The following CELSR3 variants were observed in gnomAD, a reference collection of about 807,000 sequenced individuals.
The protein encoded by CELSR3 is cadherin EGF LAG seven-pass G-type receptor 3.
In CELSR3, 73 loss-of-function variants were observed where a neutral mutation model predicts 270.0. The ratio of observed to expected loss-of-function variants is 0.27; its 90% confidence interval spans 0.22 to 0.33. The LOEUF (loss-of-function observed/expected upper bound fraction) is 0.33, where lower values mean the gene tolerates loss of function less well. CELSR3 is among the 10% of genes least tolerant of loss of function. The pLI, the probability that CELSR3 is intolerant of heterozygous loss-of-function variation, is 1.00. For missense variants in CELSR3, 3,614 were observed against 4,533.8 expected (o/e 0.80, Z 5.83); for synonymous variants, 1,780 against 1,905.4 (o/e 0.93, Z 1.71).
At position 48,642,312 on chromosome 3, in the gene CELSR3, A is replaced by C; in HGVS notation, c.8665+46T>G. On this transcript the variant is annotated intron_variant, in intron 31 of 34. Transcript: ENST00000164024. This position sits in a 1 kb window ranked among gnomAD's most constrained non-coding sequence, Gnocchi z 6.1. ...TGGGGTAGAAGAAAAGGGGATGGGG[A>C]GAGATCCTCTGCCTCCCTCCTCCCT... 7 of 1,573,166 alleles carry C rather than the reference A, an allele frequency of 4.4e-6. No individual in the cohort carries two copies. The highest frequency in any genetic ancestry group is 1.1e-5 in the South Asian group (1 of 87,298).
rs368987013 is a variant in CELSR3 at position 48,651,980 on chromosome 3, C to T, written c.5820G>A (p.Ala1940=). 1.9e-5 allele frequency: 30 copies of T among 1,596,598 alleles called. No homozygotes were observed. The highest frequency in any genetic ancestry group is 3.6e-5 in the Admixed American group (2 of 56,152). ...ALLPPSHRVN[A]EPGCVVTNAC... is the part of the protein sequence containing the mutation. ...CGTTGGTCACAACACAGCCAGGCTCCGCATTCACTCGGTGGCTGGGGGGTA... is the reference window on the plus strand; with the variant it reads ...CGTTGGTCACAACACAGCCAGGCTCTGCATTCACTCGGTGGCTGGGGGGTA... The change falls in exon 12 of 35, where the codon GCG becomes GCA. Residue 1940 remains alanine (A), a synonymous_variant. Transcript: ENST00000164024. This position sits in a 1 kb window ranked among gnomAD's most constrained non-coding sequence, Gnocchi z 7.4.
Position 48,652,012 on chromosome 3 carries a change from C to T in CELSR3, c.5788G>A (p.Ala1930Thr), listed in dbSNP as rs1167083358. 3 of 1,580,994 alleles carry T rather than the reference C, an allele frequency of 1.9e-6. No individual in the cohort carries two copies. The highest frequency in any genetic ancestry group is 1.8e-5 in the Admixed American group (1 of 54,082). The change falls in exon 12 of 35, where the codon GCC becomes ACC. Residue 1930 changes from alanine (A) to threonine (T), a missense_variant. Physicochemically the swap from Ala to Thr is moderately conservative, Grantham distance 58 (BLOSUM62 0). Coordinates refer to ENST00000164024, the MANE Select transcript of CELSR3 (RefSeq NM_001407.3). The surrounding 1 kb of genome is among the most constrained non-coding windows in gnomAD (Gnocchi z 4.3). The stretch of plus-strand genomic sequence containing the variant: ...ACTCGGTGGCTGGGGGGTAGCAGGG[C>T]CGGGGAGCCAGAGGGTGTGGAGCCG... ...WLGSTPSGSP[A>T]LLPPSHRVNA... is the part of the protein sequence containing the mutation.
In CELSR3 at chr3:48,656,339, C is replaced by T; in HGVS notation, c.4426G>A (p.Ala1476Thr). 7.0e-7 allele frequency: 1 copy of T among 1,435,292 alleles called. No homozygotes were observed. The highest frequency in any genetic ancestry group is 9.0e-7 in the Non-Finnish European group (1 of 1,108,780). The allele number at this position is 1,435,292 out of a possible 1,614,324, so 88.9% of individuals were successfully genotyped here. A position where few individuals can be genotyped will look rare whatever the true frequency, so the allele number is the denominator to read the frequency against. Residue 1476 changes from alanine (A) to threonine (T), a missense_variant, in exon 3 of 35, where the codon GCC (alanine) becomes ACC (threonine). By Grantham distance (58) the Ala-to-Thr change is moderately conservative. Transcript: ENST00000164024. ...TGEDCELDTEAGRCVPGVCRN... is the reference protein window; with the variant it reads ...TGEDCELDTETGRCVPGVCRN... ...CAGACGCCCGGCACGCAGCGGCCGG[C>T]CTCGGTGTCCAGCTCGCAGTCCTCT...
At position 48,653,985 on chromosome 3, in the gene CELSR3, T is replaced by G. The variant is rs757786390; in HGVS notation, c.5171A>C (p.His1724Pro). Residue 1724 changes from histidine (H) to proline (P), a missense_variant, in exon 8 of 35, where the codon CAC (histidine) becomes CCC (proline). Coordinates refer to ENST00000164024, the MANE Select transcript of CELSR3 (RefSeq NM_001407.3). This position sits in a 1 kb window ranked among gnomAD's most constrained non-coding sequence, Gnocchi z 6.5. ...GTMAGCQAKL[H>P]FCDSGPCKNS... ...CTTGCAGGGGCCTGAGTCACAAAAG[T>G]GTAGCTTGGCTTGGCAGCCTGGGAG... 3.4e-5 allele frequency: 55 copies of G among 1,612,838 alleles called. No individual in the cohort carries two copies. Among genetic ancestry groups the G allele is most frequent in the Non-Finnish European group, 4.7e-5 (55 of 1,179,634 alleles).
Position 48,650,913 on chromosome 3 carries a change from C to G in CELSR3, c.6349G>C (p.Val2117Leu). Reference sequence around the variant, plus strand: ...TCACCCCGGCAGCCGCTGGCTGTCACCTCTGCGAAGGGACTGTCACAGCTG... The same window carrying G: ...TCACCCCGGCAGCCGCTGGCTGTCAGCTCTGCGAAGGGACTGTCACAGCTG... The part of the protein sequence containing the change: ...CNSCDSPFAE[V>L]TASGCRVLYD... The change falls in exon 15 of 35, where the codon GTG (valine) becomes CTG (leucine). Residue 2117 changes from valine (V) to leucine (L), a missense_variant. Transcript: ENST00000164024. The surrounding 1 kb of genome is among the most constrained non-coding windows in gnomAD (Gnocchi z 5.1). 1 of 1,610,978 alleles carries G rather than the reference C, an allele frequency of 6.2e-7. No individual in the cohort carries two copies. The highest frequency in any genetic ancestry group is 1.3e-5 in the African/African-American group (1 of 75,006).
chr3:48,655,865 G>A lies in CELSR3; in HGVS notation c.4626-14C>T. ...ACTGTCGCGAACCTGGGCGGGGTGG[G>A]AGGGGGTTGCGGGGGTGGGAGCGTC... On this transcript the variant is annotated splice_polypyrimidine_tract_variant and intron_variant, in intron 3 of 34. Transcript: ENST00000164024. This position sits in a 1 kb window ranked among gnomAD's most constrained non-coding sequence, Gnocchi z 5.8. 7.4e-7 allele frequency: 1 copy of A among 1,356,570 alleles called. No individual in the cohort carries two copies. Among genetic ancestry groups the A allele is most frequent in the Non-Finnish European group, 1.0e-6 (1 of 952,400 alleles). The allele number at this position is 1,356,570 out of a possible 1,614,324, so 84.0% of individuals were successfully genotyped here. A position where few individuals can be genotyped will look rare whatever the true frequency, so the allele number is the denominator to read the frequency against.
chr3:48,645,911 A>T lies in CELSR3; in HGVS notation c.7464-43T>A, dbSNP rs760340026. The T allele has an allele frequency of 6.3e-7, 1 of 1,580,984 alleles. No homozygotes were observed. The highest frequency in any genetic ancestry group is 1.3e-5 in the African/African-American group (1 of 74,442). ...TTAGACACAACTGTGACCCAGTGTC[A>T]GGCAGGGGTTTGTGAGAGATCATGG... is the stretch of plus-strand genomic sequence containing the variant. On this transcript the variant is annotated intron_variant, in intron 22 of 34. Coordinates refer to ENST00000164024, the MANE Select transcript of CELSR3 (RefSeq NM_001407.3). This position sits in a 1 kb window ranked among gnomAD's most constrained non-coding sequence, Gnocchi z 5.4.
chr3:48,644,363 A>C lies in CELSR3; in HGVS notation c.8086-68T>G. On this transcript the variant is annotated intron_variant, in intron 26 of 34. Transcript: ENST00000164024. This position sits in a 1 kb window ranked among gnomAD's most constrained non-coding sequence, Gnocchi z 4.8. The stretch of plus-strand genomic sequence containing the variant: ...GAGAGAGAGAGAGAGAGGCAATGAG[A>C]GACAGAGAGAGACTAAGATTCACGG... The C allele has an allele frequency of 7.2e-7, 1 of 1,391,050 alleles. No homozygotes were observed. Among genetic ancestry groups the C allele is most frequent in the Admixed American group, 1.7e-5 (1 of 58,490 alleles). 86.2% of individuals were successfully genotyped at this position (1,391,050 alleles called of 1,614,324 possible).
chr3:48,643,903 A>G, intron 27 of CELSR3: 1 of 602,832 alleles, frequency 1.7e-6, no homozygotes, highest in Non-Finnish European at 2.9e-6. Context: ...ACACAGGGGT[A>G]TGGGAGCCAC....
intron 2 of CELSR3, 74 bp from the exon 3 acceptor site, chr3:48,656,439 GCC>G: frequency 7.6e-7 from 1 of 1,311,988 alleles, no homozygotes; most frequent in Non-Finnish European, 9.8e-7. Context: ...AAGACCGCGC[GCC>G]CAGAGGCCGG....
Position 48,646,287 on chromosome 3 carries a change from C to T in CELSR3, c.7296-30G>A. 6.3e-7 allele frequency: 1 copy of T among 1,589,266 alleles called. No individual in the cohort carries two copies. The highest frequency in any genetic ancestry group is 2.2e-5 in the East Asian group (1 of 44,466). ...GGAGACACCCATCTGGGCTTACGCA[C>T]TGCTGACCTCCCCATGCTCAGCCTG... On this transcript the variant is annotated intron_variant, in intron 21 of 34. Transcript: ENST00000164024. The surrounding 1 kb of genome is among the most constrained non-coding windows in gnomAD (Gnocchi z 4.8).
At chr3:48,643,745 CG>C in intron 27 of CELSR3, 68 bp from the exon 28 acceptor site, 4 of 1,510,968 alleles carry the variant, frequency 2.6e-6, no homozygotes, top group Non-Finnish European at 3.6e-6. Context: ...GCAGGGAACA[CG>C]GGAGGACACA....
At position 48,641,500 on chromosome 3, in the gene CELSR3, G is replaced by T; in HGVS notation, c.8849C>A (p.Ser2950Tyr). Residue 2950 changes from serine to tyrosine, a missense_variant, in exon 33 of 35, where the codon TCC becomes TAC. Physicochemically the swap from Ser to Tyr is moderately radical, Grantham distance 144. Transcript: ENST00000164024. This position sits in a 1 kb window ranked among gnomAD's most constrained non-coding sequence, Gnocchi z 4.8. Reference protein sequence around the residue: ...PKDVDGNDLLSYWPALGECEA... With the variant: ...PKDVDGNDLLYYWPALGECEA... ...GCACTCCCCCAGGGCTGGCCAGTAG[G>T]ACAGGAGGTCATTGCCATCCACATC... The T allele has an allele frequency of 6.2e-7, 1 of 1,612,248 alleles. No homozygotes were observed. Among genetic ancestry groups the T allele is most frequent in the Non-Finnish European group, 8.5e-7 (1 of 1,179,708 alleles).
In CELSR3 at chr3:48,658,572, A is replaced by G. The variant is rs1426293018; in HGVS notation, c.3748+315T>C. Among the ~76,000 whole-genome samples the G allele has an allele frequency of 6.6e-6, 1 of 152,100 alleles. No homozygotes were observed. Among genetic ancestry groups the G allele is most frequent in the Non-Finnish European group, 1.5e-5 (1 of 68,008 alleles). On this transcript the variant is annotated intron_variant, in intron 1 of 34. Coordinates refer to ENST00000164024, the MANE Select transcript of CELSR3 (RefSeq NM_001407.3). This position sits in a 1 kb window ranked among gnomAD's most constrained non-coding sequence, Gnocchi z 4.7. ...CTGGCCCATACTGGCTTTGCCTAGGACCTCCAGAGGATTACCCCAGGACCT... is the reference window on the plus strand; with the variant it reads ...CTGGCCCATACTGGCTTTGCCTAGGGCCTCCAGAGGATTACCCCAGGACCT...
At position 48,662,215 on chromosome 3, in the gene CELSR3, G is replaced by C. The variant is rs978905334; in HGVS notation, c.420C>G (p.Ser140=). The C allele has an allele frequency of 1.9e-6, 3 of 1,613,196 alleles. No individual in the cohort carries two copies. The highest frequency in any genetic ancestry group is 2.5e-6 in the Non-Finnish European group (3 of 1,179,950). ...GSVLYWRPEV[S]SCGRTGPLQR... ...GCAAAGGTCCTGTCCGCCCGCAAGA[G>C]GAGACCTCTGGGCGCCAGTATAACA... is the stretch of plus-strand genomic sequence containing the variant. Residue 140 remains serine, a synonymous_variant, in exon 1 of 35, where the codon TCC becomes TCG. Coordinates refer to ENST00000164024, the MANE Select transcript of CELSR3 (RefSeq NM_001407.3). This position sits in a 1 kb window ranked among gnomAD's most constrained non-coding sequence, Gnocchi z 7.1.
chr3:48,643,833 T>C (rs979941213), intron 27 of CELSR3, 156 bp from the exon 28 acceptor site: 21 of 818,704 alleles, frequency 2.6e-5, no homozygotes, highest in Non-Finnish European at 3.7e-5. Flanking sequence ...CTGGGGGAGA[T>C]GGGAGGTCCC....
Position 48,653,512 on chromosome 3 carries a change from A to G in CELSR3, c.5448+107T>C, listed in dbSNP as rs1017443555. On this transcript the variant is annotated intron_variant, in intron 9 of 34. Transcript: ENST00000164024. The surrounding 1 kb of genome is among the most constrained non-coding windows in gnomAD (Gnocchi z 6.5). ...GAGCAGGGTCAAGTGTGGTTGGGAC[A>G]CCTGGCAGAAAAGTATGCTGTGTGA... is the stretch of plus-strand genomic sequence containing the variant. The G allele has an allele frequency of 2.2e-6, 3 of 1,351,162 alleles. No homozygotes were observed. Among genetic ancestry groups the G allele is most frequent in the Non-Finnish European group, 3.1e-6 (3 of 968,646 alleles). 83.7% of individuals were successfully genotyped at this position (1,351,162 alleles called of 1,614,324 possible). A position where few individuals can be genotyped will look rare whatever the true frequency, so the allele number is the denominator to read the frequency against.
In CELSR3 at chr3:48,660,396, G is replaced by C. The variant is rs1355223731; in HGVS notation, c.2239C>G (p.Leu747Val). The C allele has an allele frequency of 6.2e-7, 1 of 1,614,018 alleles. No individual in the cohort carries two copies. Among genetic ancestry groups the C allele is most frequent in the Non-Finnish European group, 8.5e-7 (1 of 1,180,036 alleles). Residue 747 changes from leucine (L) to valine (V), a missense_variant, in exon 1 of 35, where the codon CTG (leucine) becomes GTG (valine). Leu to Val is a conservative substitution (Grantham distance 32). Transcript: ENST00000164024. This position sits in a 1 kb window ranked among gnomAD's most constrained non-coding sequence, Gnocchi z 5.5. ...TCAGGCCGATTGTCATTAACGTCCA[G>C]CACAGTCACGGTGACACTGGCTGAG... Reference protein sequence around the residue: ...SASASVTVTVLDVNDNRPEFT... With the variant: ...SASASVTVTVVDVNDNRPEFT...
chr3:48,649,168 C>G lies in CELSR3; in HGVS notation c.6520G>C (p.Asp2174His), dbSNP rs758701785. 1.9e-6 allele frequency: 3 copies of G among 1,612,068 alleles called. No homozygotes were observed. Among genetic ancestry groups the G allele is most frequent in the Non-Finnish European group, 2.5e-6 (3 of 1,179,442 alleles). The stretch of plus-strand genomic sequence containing the variant: ...GCAGGGGAGGTACAGTTGAAGAGGT[C>G]GGGCTCCAGCCAACCCTGGGCCTCA... ...CDEAQGWLEPDLFNCTSPAFR... is the reference protein window; with the variant it reads ...CDEAQGWLEPHLFNCTSPAFR... Residue 2174 changes from aspartate to histidine, a missense_variant, in exon 17 of 35, where the codon GAC (aspartate) becomes CAC (histidine). Coordinates refer to ENST00000164024, the MANE Select transcript of CELSR3 (RefSeq NM_001407.3).
Sources: gnomAD v4.1 joint callset for allele counts (sites outside exome capture counted in the v4.1 genomes callset) on GRCh38, gnomAD v4.1.1 for gene constraint, Gnocchi (gnomAD v3.1) non-coding constraint, MANE v1.5 for transcripts, NCBI Gene and HGNC (gene_info 2026-07-23, HGNC 2026-07-21) for gene names.